The following RFX3 variants were observed in gnomAD, a reference collection of about 807,000 sequenced individuals.
RFX3 encodes transcription factor RFX3.
In RFX3, 14 loss-of-function variants were observed where a neutral mutation model predicts 98.6. The observed-to-expected ratio is 0.14, with a 90% CI of 0.09 to 0.22. The LOEUF is 0.22. Among genes scored for constraint, RFX3 ranks in the 10% least tolerant of loss-of-function variants. The probability of loss-of-function intolerance (pLI) is 1.00; values close to 1 mark genes in which losing one functional copy is unlikely to be tolerated. For synonymous variants in RFX3, 383 were observed against 328.4 expected, an observed-to-expected ratio of 1.17 and a Z score of -1.80; for missense variants, 639 against 926.9, an observed-to-expected ratio of 0.69 and a Z score of 4.03.
chr9:3,228,598 A>C (rs643886), intron 16 of RFX3, among the ~76,000 whole-genome samples: 143,795 of 152,188 alleles, frequency 0.94, 68,439 homozygotes, highest in East Asian at 1. Context: ...GAACTTCAGG[A>C]AAAAAGTATA....
chr9:3,270,392 C>T lies in RFX3; in HGVS notation c.1336G>A (p.Asp446Asn). 1.9e-6 allele frequency: 3 copies of T among 1,613,600 alleles called. No homozygotes were observed. Among genetic ancestry groups the T allele is most frequent in the Non-Finnish European group, 2.5e-6 (3 of 1,179,708 alleles). Residue 446 changes from aspartate to asparagine, a missense_variant, in exon 11 of 17, where the codon GAC becomes AAC. Physicochemically the swap from Asp to Asn is conservative, Grantham distance 23. Transcript: ENST00000617270. ...TTACTAGGAATAGGTCTAAGGACGTCGGGGATGAGAATCTCCACCAAAGCC... is the reference window on the plus strand; with the variant it reads ...TTACTAGGAATAGGTCTAAGGACGTTGGGGATGAGAATCTCCACCAAAGCC... The part of the protein sequence containing the change: ...YQALVEILIP[D>N]VLRPIPSALT...
intron 1 of RFX3, among the ~76,000 whole-genome samples, chr9:3,402,403 A>G (rs902559068): frequency 1.3e-5 from 2 of 152,152 alleles, no homozygotes; most frequent in African/African-American, 4.8e-5. Flanking sequence ...AAAAGGTGCT[A>G]GTTCCAATTC....
At chr9:3,507,818 T>C (rs1817252103) in intron 1 of RFX3, among the ~76,000 whole-genome samples, 1 of 152,020 alleles carries the variant, frequency 6.6e-6, no homozygotes, top group South Asian at 2.1e-4. Context: ...TATTGTTTTC[T>C]TTTTTCAAGT....
rs769755686 is a variant in RFX3, at chr9:3,275,480, C to G, written c.1086+20G>C. The G allele has an allele frequency of 1.4e-6, 2 of 1,386,592 alleles. No individual in the cohort carries two copies. Among genetic ancestry groups the G allele is most frequent in the Non-Finnish European group, 2.1e-6 (2 of 974,012 alleles). 85.9% of individuals were successfully genotyped at this position (1,386,592 alleles called of 1,614,324 possible). ...TGGCAAAACCTAGCATGTGTTCATA[C>G]TACATTTGAAAAGACTTACCTCACA... is the stretch of plus-strand genomic sequence containing the variant. On this transcript the variant is annotated intron_variant, in intron 9 of 16. Coordinates refer to ENST00000617270, the MANE Select transcript of RFX3 (RefSeq NM_001282116.2).
intron 2 of RFX3, among the ~76,000 whole-genome samples, chr9:3,369,905 C>G (rs1217638599): frequency 6.6e-6 from 1 of 151,880 alleles, no homozygotes; most frequent in Non-Finnish European, 1.5e-5. Context: ...TCTCCGCTCA[C>G]TGCAAGCTCC....
At chr9:3,459,578 A>G (rs1564128098) in intron 1 of RFX3, among the ~76,000 whole-genome samples, 2 of 152,178 alleles carry the variant, frequency 1.3e-5, no homozygotes, top group African/African-American at 4.8e-5. Flanking sequence ...TATGAATAAT[A>G]AGTGAAAGTA....
Position 3,468,079 on chromosome 9 carries a change from G to A in RFX3, c.-9+57668C>T, listed in dbSNP as rs141213310. On this transcript the variant is annotated intron_variant, in intron 1 of 16. Transcript: ENST00000617270. ...ATGTGATTACCTTTCCAGAAACGAT[G>A]CCTCAAGTTTTACAGACATGTGAAA... 4.6e-5 allele frequency among the ~76,000 whole-genome samples: 7 copies of A among 152,222 alleles called. No individual in the cohort carries two copies. The East Asian group carries it at 1.4e-3, about 29-fold the overall frequency.
intron 1 of RFX3, among the ~76,000 whole-genome samples, chr9:3,413,938 A>G (rs1171457274): frequency 6.6e-6 from 1 of 152,098 alleles, no homozygotes; most frequent in East Asian, 1.9e-4. Flanking sequence ...AATTCTCCCA[A>G]TAAATCAAGA....
intron 14 of RFX3, among the ~76,000 whole-genome samples, chr9:3,255,372 A>G (rs1294982852): frequency 6.6e-6 from 1 of 152,148 alleles, no homozygotes; most frequent in Non-Finnish European, 1.5e-5. Context: ...TTCCCTCCTC[A>G]CAACTAGCTT....
intron 4 of RFX3, chr9:3,324,259 A>G: frequency 4.8e-6 from 1 of 208,678 alleles, no homozygotes; most frequent in Non-Finnish European, 1.1e-5. Flanking sequence ...GTCACATAAA[A>G]TAAGAACTGT....
chr9:3,396,509 G>A (rs190264877), intron 1 of RFX3, among the ~76,000 whole-genome samples: 7 of 152,190 alleles, frequency 4.6e-5, no homozygotes, highest in African/African-American at 7.2e-5. Flanking sequence ...ATATGTGTTC[G>A]TGTGTCTTTA....
chr9:3,256,116 C>A (rs1436007567), intron 14 of RFX3, among the ~76,000 whole-genome samples: 1 of 152,104 alleles, frequency 6.6e-6, no homozygotes, highest in Admixed American at 6.5e-5. Flanking sequence ...ACAGGCAACC[C>A]CAACCATGCC....
In RFX3 at chr9:3,388,335, A is replaced by T. The variant is rs561936474; in HGVS notation, c.117+7137T>A. ...ATTCATTTAAATCTTACCTTACTTG[A>T]AGATTGCCCTTCTCCTGCAACCTAA... On this transcript the variant is annotated intron_variant, in intron 2 of 16. Transcript: ENST00000617270. Among the ~76,000 whole-genome samples, 6 of 152,238 alleles carry T rather than the reference A, an allele frequency of 3.9e-5. No homozygotes were observed. In the South Asian group the frequency reaches 1.2e-3, roughly 32 times the overall value.
chr9:3,277,936 T>C (rs990889485), intron 7 of RFX3, among the ~76,000 whole-genome samples: 5 of 152,030 alleles, frequency 3.3e-5, no homozygotes, highest in Non-Finnish European at 7.4e-5. Context: ...TTGTTTTTCA[T>C]ATCTCCTAGA....
At chr9:3,361,294 G>A (rs1836399274) in intron 2 of RFX3, among the ~76,000 whole-genome samples, 1 of 152,074 alleles carries the variant, frequency 6.6e-6, no homozygotes, top group South Asian at 2.1e-4. Context: ...AAAAGAGAAG[G>A]AATAGAACTC....
chr9:3,423,117 T>C (rs1261775484), intron 1 of RFX3, among the ~76,000 whole-genome samples: 1 of 152,150 alleles, frequency 6.6e-6, no homozygotes, highest in Non-Finnish European at 1.5e-5. Flanking sequence ...TATCCAAACA[T>C]ATGCTGAGAA....
At chr9:3,470,996 A>G (rs1030510505) in intron 1 of RFX3, among the ~76,000 whole-genome samples, 4 of 152,186 alleles carry the variant, frequency 2.6e-5, no homozygotes, top group African/African-American at 9.6e-5. Context: ...CCCCATCACT[A>G]TTTTACAAAA....
At chr9:3,366,384 C>A (rs1837075424) in intron 2 of RFX3, among the ~76,000 whole-genome samples, 1 of 152,160 alleles carries the variant, frequency 6.6e-6, no homozygotes, top group Admixed American at 6.5e-5. Flanking sequence ...TGTGTGTCTG[C>A]ACATACATAC....
chr9:3,285,901 T>C (rs1337310693), intron 7 of RFX3, among the ~76,000 whole-genome samples: 1 of 151,800 alleles, frequency 6.6e-6, no homozygotes, highest in East Asian at 1.9e-4. Context: ...ATAGAATCTG[T>C]TTCATGAGGA....
Sources: gnomAD v4.1 joint callset for allele counts (sites outside exome capture counted in the v4.1 genomes callset) on GRCh38, gnomAD v4.1.1 for gene constraint, MANE v1.5 for transcripts, NCBI Gene and HGNC (gene_info 2026-07-23, HGNC 2026-07-21) for gene names.